The following MAD1L1 variants were observed in gnomAD, a reference collection of about 807,000 sequenced individuals.
MAD1L1 encodes mitotic arrest deficient 1 like 1.
A neutral mutation model predicts 96.9 loss-of-function variants in MAD1L1; 95 were observed. The observed-to-expected ratio is 0.98, with a 90% CI of 0.83 to 1.16. MAD1L1 has a LOEUF of 1.16. Ranked by LOEUF, MAD1L1 falls within the 50% of genes most tolerant of loss-of-function variation. The pLI is 0.00. For synonymous variants in MAD1L1, 473 were observed against 396.6 expected (o/e 1.19, Z -2.29); for missense variants, 1,007 against 954.4 (o/e 1.06, Z -0.73).
intron 10 of MAD1L1, among the ~76,000 whole-genome samples, chr7:2,164,162 G>A (rs1307109250): frequency 6.6e-6 from 1 of 152,212 alleles, no homozygotes; most frequent in African/African-American, 2.4e-5. Flanking sequence ...TATAAACAGA[G>A]ACTACAAGAT....
intron 16 of MAD1L1, among the ~76,000 whole-genome samples, chr7:1,940,883 C>T (rs997097274): frequency 1.1e-5 from 1 of 94,830 alleles, no homozygotes; most frequent in Non-Finnish European, 2.3e-5. Flanking sequence ...AACCAGGCCG[C>T]ACAGCGTGTA....
chr7:2,220,526 G>T (rs1050154336), intron 5 of MAD1L1, among the ~76,000 whole-genome samples: 1 of 152,222 alleles, frequency 6.6e-6, no homozygotes, highest in Non-Finnish European at 1.5e-5. Context: ...CGTGATGTCA[G>T]CCCTGGGGAC....
rs1583455412 is a variant in MAD1L1 at position 1,816,130 on chromosome 7, G to A, written c.2097C>T (p.Ser699=). The change falls in exon 19 of 19, where the codon AGC becomes AGT. Residue 699 remains serine (S), a synonymous_variant. Coordinates refer to ENST00000265854, the MANE Select transcript of MAD1L1 (RefSeq NM_001013836.2). ...TGAGCGAGCTGAGGAAGGCAGGGAT[G>A]CTGTCCTGGCGCCGCAGGTGCACCT... ...LIEVHLRRQD[S]IPAFLSSLTL... 3 of 1,613,104 alleles carry A rather than the reference G, an allele frequency of 1.9e-6. No homozygotes were observed. The highest frequency in any genetic ancestry group is 1.7e-6 in the Non-Finnish European group (2 of 1,179,850).
chr7:2,111,104 C>T (rs888525776), intron 11 of MAD1L1, among the ~76,000 whole-genome samples: 57 of 152,262 alleles, frequency 3.7e-4, no homozygotes, highest in African/African-American at 1.1e-3. Flanking sequence ...AGTCCTCCGA[C>T]GAAAAGTAAA....
At chr7:2,173,060 T>C (rs764308161) in intron 10 of MAD1L1, among the ~76,000 whole-genome samples, 2 of 152,196 alleles carry the variant, frequency 1.3e-5, no homozygotes, top group Non-Finnish European at 2.9e-5. Context: ...AAAGTGTACA[T>C]AGTCAAACTA....
chr7:2,135,023 T>C (rs923000896), intron 11 of MAD1L1, among the ~76,000 whole-genome samples: 1 of 152,230 alleles, frequency 6.6e-6, no homozygotes, highest in Non-Finnish European at 1.5e-5. Flanking sequence ...CTGACGTTCA[T>C]TAATGATGTT....
At chr7:2,093,405 A>G (rs1786316405) in intron 11 of MAD1L1, among the ~76,000 whole-genome samples, 2 of 152,306 alleles carry the variant, frequency 1.3e-5, no homozygotes, top group South Asian at 2.1e-4. Flanking sequence ...ATCCCATTAG[A>G]AAAACATGTT....
intron 11 of MAD1L1, among the ~76,000 whole-genome samples, chr7:2,134,345 T>G (rs553941913): frequency 6.6e-5 from 10 of 152,246 alleles, no homozygotes; most frequent in Non-Finnish European, 1.2e-4. Flanking sequence ...GCCCATACCC[T>G]GCTCTCTCTC....
chr7:1,865,646 A>G (rs534152399), intron 18 of MAD1L1, among the ~76,000 whole-genome samples: 2 of 152,366 alleles, frequency 1.3e-5, no homozygotes, highest in East Asian at 3.9e-4. Context: ...GCCTCTTGGT[A>G]ACCAGAGGCT....
intron 10 of MAD1L1, among the ~76,000 whole-genome samples, chr7:2,161,198 A>G (rs1383963726): frequency 2.5e-5 from 2 of 79,590 alleles, no homozygotes; most frequent in Admixed American, 1.5e-4. Context: ...ACTCACTGCA[A>G]CCTCCCTGCC....
chr7:2,074,707 G>A (rs376348252), intron 11 of MAD1L1, among the ~76,000 whole-genome samples: 5 of 152,360 alleles, frequency 3.3e-5, no homozygotes, highest in African/African-American at 9.6e-5. Flanking sequence ...CCCTGGCACC[G>A]CAAAGTAGGG....
intron 11 of MAD1L1, chr7:2,107,637 A>T (rs993229346): frequency 6.6e-6 from 1 of 152,314 alleles, no homozygotes; most frequent in African/African-American, 2.4e-5. Flanking sequence ...GGCTGCCCTC[A>T]GGCCTCTGCT....
intron 11 of MAD1L1, among the ~76,000 whole-genome samples, chr7:2,077,338 A>AT (rs879679531): frequency 3.3e-5 from 5 of 152,202 alleles, no homozygotes; most frequent in Non-Finnish European, 7.3e-5. Flanking sequence ...CACAAGTATG[A>AT]TTTTTAATCA....
In MAD1L1 at chr7:2,142,736, T is replaced by C. The variant is rs574815708; in HGVS notation, c.1073+6416A>G. On this transcript the variant is annotated intron_variant, in intron 11 of 18. Transcript: ENST00000265854. The surrounding 1 kb of genome is among the most constrained non-coding windows in gnomAD (Gnocchi z 4.7). The stretch of plus-strand genomic sequence containing the variant: ...AAAGCCGAACGGACGCAACAAGGCC[T>C]CTGGCCATGTCAAACCCCAGGGGCC... Among the ~76,000 whole-genome samples the C allele has an allele frequency of 6.6e-6, 1 of 152,344 alleles. No homozygotes were observed. Among genetic ancestry groups the C allele is most frequent in the South Asian group, 2.1e-4 (1 of 4,834 alleles).
intron 15 of MAD1L1, among the ~76,000 whole-genome samples, chr7:1,972,271 G>A (rs1780438052): frequency 6.6e-6 from 1 of 152,200 alleles, no homozygotes; most frequent in African/African-American, 2.4e-5. Flanking sequence ...AATTTTCTGT[G>A]TCAAATTGAT....
chr7:2,054,216 G>A (rs1188931785), intron 12 of MAD1L1, among the ~76,000 whole-genome samples: 1 of 152,226 alleles, frequency 6.6e-6, no homozygotes, highest in Non-Finnish European at 1.5e-5. Context: ...CAGGACTGTG[G>A]TCTTTTCAAA....
chr7:1,992,586 C>T (rs575932533), intron 14 of MAD1L1, among the ~76,000 whole-genome samples: 52 of 152,228 alleles, frequency 3.4e-4, no homozygotes, highest in Non-Finnish European at 6.0e-4. Flanking sequence ...TCCCTCCCTC[C>T]TATCAGCTCC....
At chr7:1,995,185 C>A (rs564716753) in intron 14 of MAD1L1, among the ~76,000 whole-genome samples, 2 of 152,260 alleles carry the variant, frequency 1.3e-5, no homozygotes, top group Admixed American at 6.5e-5. Flanking sequence ...CTGTGGCCAG[C>A]ACGATTCCTT....
intron 10 of MAD1L1, among the ~76,000 whole-genome samples, chr7:2,163,453 A>G (rs1476130034): frequency 6.6e-6 from 1 of 152,140 alleles, no homozygotes; most frequent in Non-Finnish European, 1.5e-5. Flanking sequence ...GGCTCACTGC[A>G]ACCTCTGCCC....
Sources: gnomAD v4.1 joint callset for allele counts (sites outside exome capture counted in the v4.1 genomes callset) on GRCh38, gnomAD v4.1.1 for gene constraint, Gnocchi (gnomAD v3.1) non-coding constraint, MANE v1.5 for transcripts, NCBI Gene and HGNC (gene_info 2026-07-23, HGNC 2026-07-21) for gene names.